ARHGEF6: variants seen among roughly 807,000 people sequenced by gnomAD.
ARHGEF6 encodes rho guanine nucleotide exchange factor 6.
Under a neutral mutation model 70.3 loss-of-function variants are expected in ARHGEF6, and 9 were observed. The observed-to-expected ratio is 0.13, with a 90% confidence interval of 0.08 to 0.22. The LOEUF is 0.22. Ranked by LOEUF, ARHGEF6 falls within the 10% of genes least tolerant of loss-of-function variation. The pLI is 1.00. For missense variants in ARHGEF6, 470 were observed against 563.0 expected, an observed-to-expected ratio of 0.83 and a Z score of 1.67; for synonymous variants, 201 against 207.8, an observed-to-expected ratio of 0.97 and a Z score of 0.28.
chrX:136,754,160 G>C (rs767225243), intron 2 of ARHGEF6, among the ~76,000 whole-genome samples: 15 of 111,838 alleles, frequency 1.3e-4, no homozygotes, highest in African/African-American at 4.9e-4. Flanking sequence ...ACTCCTATAG[G>C]GGAGAACCCC....
chrX:136,681,348 A>G (rs1371875741), intron 14 of ARHGEF6, among the ~76,000 whole-genome samples: 3 of 112,255 alleles, frequency 2.7e-5, no homozygotes, highest in African/African-American at 9.7e-5. Context: ...CCACTGTGCC[A>G]TATCAGCACC....
chrX:136,752,777 A>G (rs1265136831), intron 2 of ARHGEF6, among the ~76,000 whole-genome samples: 1 of 112,501 alleles, frequency 8.9e-6, no homozygotes, highest in African/African-American at 3.2e-5. Flanking sequence ...CCTGTTTTTT[A>G]AAAAAGATTC....
chrX:136,699,692 T>C (rs1330683110), intron 9 of ARHGEF6, among the ~76,000 whole-genome samples: 1 of 111,299 alleles, frequency 9.0e-6, no homozygotes, highest in Non-Finnish European at 1.9e-5. Context: ...TGCATAGTGA[T>C]TTTAATGAAT....
intron 18 of ARHGEF6, 110 bp downstream of exon 18, chrX:136,676,514 G>A: frequency 1.7e-6 from 1 of 604,118 alleles, no homozygotes; most frequent in Admixed American, 2.8e-5. Flanking sequence ...AAAAGACGAT[G>A]TCAAGAAAAA....
intron 21 of ARHGEF6, 31 bp from the exon 22 acceptor site, chrX:136,668,200 A>AAC (rs2076180630): frequency 8.3e-7 from 1 of 1,206,788 alleles, no homozygotes. Context: ...TTGATTATCA[A>AAC]ACAGAGGGGG....
chrX:136,667,824 C>T lies in ARHGEF6; in HGVS notation c.*205G>A. ...AAAAAAATGAACAACCAACCAATAACCAAACAACAGCAAATGCCCAAGCGC... is the reference window on the plus strand; with the variant it reads ...AAAAAAATGAACAACCAACCAATAATCAAACAACAGCAAATGCCCAAGCGC... On this transcript the variant is annotated 3_prime_UTR_variant, in exon 22 of 22. Transcript: ENST00000250617. The T allele has an allele frequency of 2.1e-6, 1 of 475,865 alleles. No homozygotes were observed. The highest frequency in any genetic ancestry group is 3.5e-6 in the Non-Finnish European group (1 of 288,544). The allele number at this position is 475,865 out of a possible 1,213,427, so 39.2% of individuals were successfully genotyped here.
intron 2 of ARHGEF6, among the ~76,000 whole-genome samples, chrX:136,752,689 C>G (rs758080817): frequency 2.9e-4 from 32 of 112,198 alleles, no homozygotes; most frequent in Non-Finnish European, 5.4e-4. Flanking sequence ...GGTTCCATTA[C>G]TCAAGAGTTA....
At chrX:136,696,435 T>A (rs1023455120) in intron 9 of ARHGEF6, among the ~76,000 whole-genome samples, 1 of 110,360 alleles carries the variant, frequency 9.1e-6, no homozygotes, top group Non-Finnish European at 1.9e-5. Context: ...CTGGTCAACA[T>A]AGTGAAAGCC....
At chrX:136,674,698 G>T (rs2076259995) in intron 19 of ARHGEF6, among the ~76,000 whole-genome samples, 1 of 112,006 alleles carries the variant, frequency 8.9e-6, no homozygotes, top group African/African-American at 3.3e-5. Flanking sequence ...TTCCTAACTA[G>T]TGTTGGTGAA....
intron 5 of ARHGEF6, 100 bp from the exon 6 acceptor site, chrX:136,732,272 A>T (rs1471143065): frequency 1.6e-6 from 1 of 632,807 alleles, no homozygotes; most frequent in Non-Finnish European, 2.6e-6. Flanking sequence ...TCCCAGTGGA[A>T]GGATCAATGG....
At chrX:136,719,505 G>A (rs1222231839) in intron 6 of ARHGEF6, among the ~76,000 whole-genome samples, 1 of 111,994 alleles carries the variant, frequency 8.9e-6, no homozygotes, top group Non-Finnish European at 1.9e-5. Flanking sequence ...TGCAGTGAAA[G>A]CAGTGCTTGT....
chrX:136,722,287 C>G (rs1187066435), intron 6 of ARHGEF6, among the ~76,000 whole-genome samples: 1 of 111,238 alleles, frequency 9.0e-6, no homozygotes, highest in Non-Finnish European at 1.9e-5. Context: ...TCTTGGGTGA[C>G]ACAAAAAGCA....
chrX:136,700,361 C>T (rs1353804051), intron 9 of ARHGEF6, among the ~76,000 whole-genome samples: 1 of 110,903 alleles, frequency 9.0e-6, no homozygotes, highest in East Asian at 2.8e-4. Flanking sequence ...CCTGTCTAAA[C>T]TAAAAATACA....
intron 5 of ARHGEF6, among the ~76,000 whole-genome samples, chrX:136,739,087 A>ACTTACACTAC (rs2077017000): frequency 9.0e-6 from 1 of 111,337 alleles, no homozygotes; most frequent in Admixed American, 9.5e-5. Flanking sequence ...CCGCCTCTTA[A>ACTTACACTAC]TGTAGCTCCA....
chrX:136,727,305 GTCTT>G (rs1235171712), intron 6 of ARHGEF6, among the ~76,000 whole-genome samples: 7 of 67,429 alleles, frequency 1.0e-4, no homozygotes, highest in South Asian at 9.5e-4. Flanking sequence ...GATGTCTGTA[GTCTT>G]TCTTTCTTTC....
chrX:136,773,843 A>C (rs1235161259), intron 2 of ARHGEF6, among the ~76,000 whole-genome samples: 1 of 112,321 alleles, frequency 8.9e-6, no homozygotes, highest in South Asian at 3.7e-4. Flanking sequence ...TAGAGAAGGC[A>C]TGTGCTTAAC....
At chrX:136,712,511 G>T (rs1006418465) in intron 7 of ARHGEF6, among the ~76,000 whole-genome samples, 10 of 111,965 alleles carry the variant, frequency 8.9e-5, no homozygotes, top group South Asian at 3.7e-4. Context: ...AAAGAGAGGG[G>T]TTTTTTCTGC....
At chrX:136,670,253 G>A (rs2076210319) in intron 20 of ARHGEF6, among the ~76,000 whole-genome samples, 1 of 111,374 alleles carries the variant, frequency 9.0e-6, no homozygotes, top group Non-Finnish European at 1.9e-5. Context: ...ATATTTCTTA[G>A]GAAAAAACAA....
intron 2 of ARHGEF6, among the ~76,000 whole-genome samples, chrX:136,751,296 A>G (rs1193765317): frequency 1.8e-5 from 2 of 112,255 alleles, no homozygotes; most frequent in African/African-American, 6.5e-5. Flanking sequence ...CTATAGCATT[A>G]CAAATAGAAC....
Sources: gnomAD v4.1 joint callset for allele counts (sites outside exome capture counted in the v4.1 genomes callset) on GRCh38, gnomAD v4.1.1 for gene constraint, MANE v1.5 for transcripts, NCBI Gene and HGNC (gene_info 2026-07-23, HGNC 2026-07-21) for gene names.